Variants in TMUB2 observed in about 807,000 individuals in gnomAD.
TMUB2 encodes the protein transmembrane and ubiquitin like domain containing 2, also known as transmembrane and ubiquitin-like domain-containing protein 2.
Under a neutral mutation model 20.2 loss-of-function variants are expected in TMUB2, and 19 were observed. The ratio of observed to expected loss-of-function variants is 0.94; its 90% CI spans 0.66 to 1.38. The LOEUF is 1.38. Among genes scored for constraint, TMUB2 ranks in the 40% most tolerant of loss-of-function variants. The pLI, the probability that TMUB2 is intolerant of heterozygous loss-of-function variation, is 0.00. For synonymous variants in TMUB2, 186 were observed against 166.0 expected, an observed-to-expected ratio of 1.12 and a Z score of -0.92; for missense variants, 426 against 402.5, an observed-to-expected ratio of 1.06 and a Z score of -0.50.
In TMUB2 at chr17:44,191,843, T is replaced by C. The variant is rs1451950774; in HGVS notation, c.*979T>C. 5.2e-6 allele frequency: 3 copies of C among 581,176 alleles called. No individual in the cohort carries two copies. Among genetic ancestry groups the C allele is most frequent in the Non-Finnish European group, 6.5e-6 (3 of 461,054 alleles). The allele number at this position is 581,176 out of a possible 1,614,324, so 36.0% of individuals were successfully genotyped here. ...TGCAGTTTATTTACACCAGCAGCCA[T>C]GGGGGCAGAGGGAATACACAGCGTT... is the stretch of plus-strand genomic sequence containing the variant. On this transcript the variant is annotated 3_prime_UTR_variant, in exon 4 of 4. Transcript: ENST00000538716.
rs2055620586 is a variant in TMUB2 at position 44,191,705 on chromosome 17, A to C, written c.*841A>C. On this transcript the variant is annotated 3_prime_UTR_variant, in exon 4 of 4. Coordinates refer to ENST00000538716, the MANE Select transcript of TMUB2 (RefSeq NM_001076674.3). Reference sequence around the variant, plus strand: ...ATTGGAGGGTCAGTGTCTGTGACTGAATAAAGTTCCATTTTGTGGTCCTGC... The same window carrying C: ...ATTGGAGGGTCAGTGTCTGTGACTGCATAAAGTTCCATTTTGTGGTCCTGC... 8.1e-6 allele frequency: 8 copies of C among 985,726 alleles called. No individual in the cohort carries two copies. Among genetic ancestry groups the C allele is most frequent in the Non-Finnish European group, 9.6e-6 (8 of 829,964 alleles). 61.1% of individuals were successfully genotyped at this position (985,726 alleles called of 1,614,324 possible). A position where few individuals can be genotyped will look rare whatever the true frequency, so the allele number is the denominator to read the frequency against.
intron 3 of TMUB2, 79 bp from the exon 4 acceptor site, chr17:44,190,422 C>G: frequency 6.8e-7 from 1 of 1,460,332 alleles, no homozygotes; most frequent in South Asian, 1.4e-5. Context: ...TCCCCACTCC[C>G]CTGCTTTGTT....
At chr17:44,190,376 A>C in intron 3 of TMUB2, 125 bp from the exon 4 acceptor site, 1 of 958,096 alleles carries the variant, frequency 1.0e-6, no homozygotes, top group Non-Finnish European at 1.5e-6. Flanking sequence ...AAAAAAGGAT[A>C]AAGATGAGGG....
intron 2 of TMUB2, 95 bp downstream of exon 2, chr17:44,187,838 G>C: frequency 1.4e-6 from 1 of 703,954 alleles, no homozygotes; most frequent in Non-Finnish European, 2.7e-6. Context: ...GCAAGACTGG[G>C]GTTATAATTA....
At position 44,191,101 on chromosome 17, in the gene TMUB2, T is replaced by G. The variant is rs2055514093; in HGVS notation, c.*237T>G. The G allele has an allele frequency of 1.6e-6, 2 of 1,282,712 alleles. No individual in the cohort carries two copies. The highest frequency in any genetic ancestry group is 3.0e-5 in the African/African-American group (2 of 66,558). 79.5% of individuals were successfully genotyped at this position (1,282,712 alleles called of 1,614,324 possible). A position where few individuals can be genotyped will look rare whatever the true frequency, so the allele number is the denominator to read the frequency against. On this transcript the variant is annotated 3_prime_UTR_variant, in exon 4 of 4. Transcript: ENST00000538716. ...AATGAGGATGTCATCTTCCTTCACT[T>G]TTAGGGTCCTCTGAAGGAGTTCAAA...
intron 1 of TMUB2, 186 bp from the exon 2 acceptor site, chr17:44,187,490 C>T (rs1324695121): frequency 1.7e-6 from 1 of 593,864 alleles, no homozygotes; most frequent in Non-Finnish European, 3.0e-6. Flanking sequence ...AGGCCGGACA[C>T]CTGGGGTCCT....
At position 44,189,327 on chromosome 17, in the gene TMUB2, G is replaced by T; in HGVS notation, c.341G>T (p.Gly114Val). The T allele has an allele frequency of 1.3e-6, 2 of 1,593,286 alleles. No individual in the cohort carries two copies. Among genetic ancestry groups the T allele is most frequent in the South Asian group, 2.3e-5 (2 of 87,058 alleles). The change falls in exon 3 of 4, where the codon GGT (glycine) becomes GTT (valine). Residue 114 changes from glycine to valine, a missense_variant. Transcript: ENST00000538716. ...EGNDEKAEEA[G>V]EGRGDSTGEA... ...AATGATGAGAAGGCTGAAGAGGCGG[G>T]TGAAGGTCGGGGAGACTCCACTGGG...
rs1163525155 is a variant in TMUB2, at chr17:44,190,539, T to A, written c.641T>A (p.Ile214Asn). 6.2e-7 allele frequency: 1 copy of A among 1,612,130 alleles called. No homozygotes were observed. The highest frequency in any genetic ancestry group is 8.5e-7 in the Non-Finnish European group (1 of 1,178,952). ...FPGQESQMKLIYQGRLLQDPA... is the reference protein window; with the variant it reads ...FPGQESQMKLNYQGRLLQDPA... The stretch of plus-strand genomic sequence containing the variant: ...GGACAAGAAAGCCAGATGAAACTGA[T>A]CTACCAGGGCCGCCTGCTACAAGAC... The change falls in exon 4 of 4, where the codon ATC (isoleucine) becomes AAC (asparagine). Residue 214 changes from isoleucine (I) to asparagine (N), a missense_variant. Transcript: ENST00000538716.
In TMUB2 at chr17:44,189,104, GC is replaced by G; in HGVS notation, c.119del (p.Ala40GlufsTer6). 1 of 1,614,084 alleles carries G rather than the reference GC, an allele frequency of 6.2e-7. No homozygotes were observed. Among genetic ancestry groups the G allele is most frequent in the Non-Finnish European group, 8.5e-7 (1 of 1,180,010 alleles). On this transcript the variant is annotated frameshift_variant, in exon 3 of 4. Transcript: ENST00000538716. LOFTEE classifies it high-confidence loss of function. ...TGTGGGTAATGAGGTGATGGTGGTG[GC>G]AGGTGTGGTGGTGCTGATTCTAGCC... The part of the protein sequence containing the change: ...EGVGNEVMVV[A>X]GVVVLILALV...
Position 44,191,738 on chromosome 17 carries a change from T to C in TMUB2, c.*874T>C. On this transcript the variant is annotated 3_prime_UTR_variant, in exon 4 of 4. Transcript: ENST00000538716. The stretch of plus-strand genomic sequence containing the variant: ...TCCATTTTGTGGTCCTGCAGCCTCT[T>C]TCTGTGACAGAGAATGGCTTTGCGC... 11 of 985,680 alleles carry C rather than the reference T, an allele frequency of 1.1e-5. No homozygotes were observed. Among genetic ancestry groups the C allele is most frequent in the Non-Finnish European group, 1.2e-5 (10 of 829,904 alleles). The allele number at this position is 985,680 out of a possible 1,614,324, so 61.1% of individuals were successfully genotyped here. A position where few individuals can be genotyped will look rare whatever the true frequency, so the allele number is the denominator to read the frequency against.
chr17:44,189,760 C>T (rs2055097391), intron 3 of TMUB2, 172 bp downstream of exon 3: 7 of 593,574 alleles, frequency 1.2e-5, no homozygotes, highest in Non-Finnish European at 1.6e-5. Flanking sequence ...TGCAGTGGCT[C>T]CCGGGACTTT....
At chr17:44,187,338 A>G in intron 1 of TMUB2, 1 of 220,750 alleles carries the variant, frequency 4.5e-6, no homozygotes. Context: ...GGGCCCATGG[A>G]CCCCAGTCCA....
At position 44,191,880 on chromosome 17, in the gene TMUB2, C is replaced by A; in HGVS notation, c.*1016C>A. 1 of 308,216 alleles carries A rather than the reference C, an allele frequency of 3.2e-6. No homozygotes were observed. Among genetic ancestry groups the A allele is most frequent in the Non-Finnish European group, 4.7e-6 (1 of 210,934 alleles). 19.1% of individuals were successfully genotyped at this position (308,216 alleles called of 1,614,324 possible). On this transcript the variant is annotated 3_prime_UTR_variant, in exon 4 of 4. Transcript: ENST00000538716. The stretch of plus-strand genomic sequence containing the variant: ...GAATACACAGCGTTTACAAAGTTAG[C>A]TACCTGTACAGAATGGATTACATAT...
At chr17:44,189,717 A>C (rs1372683437) in intron 3 of TMUB2, 129 bp downstream of exon 3, 2 of 879,488 alleles carry the variant, frequency 2.3e-6, no homozygotes, top group African/African-American at 3.4e-5. Flanking sequence ...GGGCAGGTAG[A>C]TACTTTCTTA....
Position 44,191,223 on chromosome 17 carries a change from C to T in TMUB2, c.*359C>T. The T allele has an allele frequency of 9.6e-7, 1 of 1,045,250 alleles. No individual in the cohort carries two copies. Among genetic ancestry groups the T allele is most frequent in the Non-Finnish European group, 1.2e-6 (1 of 866,590 alleles). 64.7% of individuals were successfully genotyped at this position (1,045,250 alleles called of 1,614,324 possible). Reference sequence around the variant, plus strand: ...GTGTCCTGCATGTCTGCCCCCAGCACCCAGGGCTGCCTGCAAGGGCAGCTC... The same window carrying T: ...GTGTCCTGCATGTCTGCCCCCAGCATCCAGGGCTGCCTGCAAGGGCAGCTC... On this transcript the variant is annotated 3_prime_UTR_variant, in exon 4 of 4. Transcript: ENST00000538716.
chr17:44,189,403 C>T lies in TMUB2; in HGVS notation c.417C>T (p.Asp139=). ...AGCCCAGCCTTGAGCATCTCCTTGACATCCAAGGCCTGCCCAAAAGACAAG... is the reference window on the plus strand; with the variant it reads ...AGCCCAGCCTTGAGCATCTCCTTGATATCCAAGGCCTGCCCAAAAGACAAG... ...GVEPSLEHLL[D]IQGLPKRQAG... Residue 139 remains aspartate (D), a synonymous_variant, in exon 3 of 4, where the codon GAC becomes GAT. Coordinates refer to ENST00000538716, the MANE Select transcript of TMUB2 (RefSeq NM_001076674.3). 1 of 1,613,840 alleles carries T rather than the reference C, an allele frequency of 6.2e-7. No individual in the cohort carries two copies. The highest frequency in any genetic ancestry group is 8.5e-7 in the Non-Finnish European group (1 of 1,179,858).
chr17:44,188,973 G>C (rs1219639388), intron 2 of TMUB2, 49 bp from the exon 3 acceptor site: 1 of 1,542,028 alleles, frequency 6.5e-7, no homozygotes, highest in South Asian at 1.2e-5. Context: ...TAGAGACCTG[G>C]TTGCAACCCC....
chr17:44,187,449 C>T (rs1598141708), intron 1 of TMUB2: 1 of 552,072 alleles, frequency 1.8e-6, no homozygotes, highest in South Asian at 2.1e-5. Flanking sequence ...CAGGGTAGAT[C>T]ACAGGCTGAG....
chr17:44,190,596 CCGA>C lies in TMUB2; in HGVS notation c.700_702del (p.Asp234del). 1 of 1,614,198 alleles carries C rather than the reference CCGA, an allele frequency of 6.2e-7. No individual in the cohort carries two copies. Among genetic ancestry groups the C allele is most frequent in the Non-Finnish European group, 8.5e-7 (1 of 1,180,036 alleles). On this transcript the variant is annotated inframe_deletion, in exon 4 of 4. Coordinates refer to ENST00000538716, the MANE Select transcript of TMUB2 (RefSeq NM_001076674.3). ...CGCACACTGCGTTCTCTGAACATTA[CCGA>C]CAACTGTGTGATTCACTGCCACCGC...
Sources: gnomAD v4.1 joint callset for allele counts on GRCh38, gnomAD v4.1.1 for gene constraint, MANE v1.5 for transcripts, NCBI Gene and HGNC (gene_info 2026-07-23, HGNC 2026-07-21) for gene names.